PPP6R3: variants seen among roughly 807,000 people sequenced by gnomAD.
The protein encoded by PPP6R3 is serine/threonine-protein phosphatase 6 regulatory subunit 3.
PPP6R3 carries 38 observed loss-of-function variants against 110.7 expected under a neutral mutation model. The observed-to-expected ratio is 0.34, with a 90% CI of 0.26 to 0.45. The LOEUF (loss-of-function observed/expected upper bound fraction) is 0.45. PPP6R3 is among the 20% of genes least tolerant of loss of function. The pLI, the probability that PPP6R3 is intolerant of heterozygous loss-of-function variation, is 1.00. For synonymous variants in PPP6R3, 369 were observed against 373.5 expected, an observed-to-expected ratio of 0.99 and a Z score of 0.14; for missense variants, 870 against 1,062.4, an observed-to-expected ratio of 0.82 and a Z score of 2.52.
chr11:68,497,296 C>T (rs1270011233), intron 1 of PPP6R3, among the ~76,000 whole-genome samples: 6 of 151,430 alleles, frequency 4.0e-5, no homozygotes, highest in Admixed American at 6.6e-5. Flanking sequence ...CCTCGTGATC[C>T]GCCCATCTCG....
intron 14 of PPP6R3, among the ~76,000 whole-genome samples, chr11:68,582,050 A>G (rs1282793049): frequency 6.6e-6 from 1 of 152,216 alleles, no homozygotes; most frequent in Non-Finnish European, 1.5e-5. Context: ...TTATTGAACC[A>G]GTGTTGGAAC....
At chr11:68,583,299 A>G (rs1225226311) in intron 15 of PPP6R3, among the ~76,000 whole-genome samples, 170 bp downstream of exon 15, 2 of 152,206 alleles carry the variant, frequency 1.3e-5, no homozygotes, top group Non-Finnish European at 2.9e-5. Context: ...TGAAAGATAG[A>G]TTTGTATTGG....
chr11:68,610,962 T>C (rs1943120062), intron 23 of PPP6R3, among the ~76,000 whole-genome samples: 1 of 151,820 alleles, frequency 6.6e-6, no homozygotes, highest in African/African-American at 2.4e-5. Flanking sequence ...TAGCAAGCTG[T>C]TTGTGTTCCT....
intron 14 of PPP6R3, among the ~76,000 whole-genome samples, chr11:68,578,716 A>AAATG (rs2099541499): frequency 6.6e-6 from 1 of 152,302 alleles, no homozygotes; most frequent in Non-Finnish European, 1.5e-5. Context: ...CCAGGCTCCT[A>AAATG]TCACTTCTGT....
chr11:68,477,384 A>C (rs910382340), intron 1 of PPP6R3, among the ~76,000 whole-genome samples: 2 of 151,970 alleles, frequency 1.3e-5, no homozygotes, highest in African/African-American at 4.8e-5. Context: ...ATGATGGCTC[A>C]ATTTATGCTT....
At chr11:68,586,259 A>AG (rs2099578189) in intron 15 of PPP6R3, 1 of 152,150 alleles carries the variant, frequency 6.6e-6, no homozygotes, top group Non-Finnish European at 1.5e-5. Context: ...CAGATCTTTG[A>AG]GGTACTGAGC....
intron 10 of PPP6R3, among the ~76,000 whole-genome samples, chr11:68,568,239 T>C (rs1565899697): frequency 6.6e-6 from 1 of 152,252 alleles, no homozygotes; most frequent in Admixed American, 6.5e-5. Flanking sequence ...ACGTAGTTTT[T>C]GTCCTACCTT....
At chr11:68,593,157 T>G (rs1420337265) in intron 18 of PPP6R3, among the ~76,000 whole-genome samples, 2 of 152,184 alleles carry the variant, frequency 1.3e-5, no homozygotes, top group Non-Finnish European at 2.9e-5. Flanking sequence ...CCCCAAAAAG[T>G]CTTCTCATGA....
chr11:68,557,230 AGAGATCTCACAAGCAATTATTGCTG>A (rs1181953949), intron 7 of PPP6R3, among the ~76,000 whole-genome samples: 2 of 152,192 alleles, frequency 1.3e-5, no homozygotes, highest in Non-Finnish European at 2.9e-5. Flanking sequence ...TCTTTTGGTG[AGAGATCTCACAAGCAATTATTGCTG>A]GTCTGAGAGT....
chr11:68,585,028 G>C (rs905275498), intron 15 of PPP6R3, among the ~76,000 whole-genome samples: 5 of 152,194 alleles, frequency 3.3e-5, no homozygotes, highest in Non-Finnish European at 7.3e-5. Context: ...TCTCATTCAC[G>C]TTTGAGGTTG....
intron 2 of PPP6R3, 69 bp downstream of exon 2, chr11:68,519,720 TGAGAC>T: frequency 2.5e-6 from 1 of 397,418 alleles, no homozygotes; most frequent in Non-Finnish European, 4.4e-6. Flanking sequence ...GGTTCTATTG[TGAGAC>T]CCTGGAGTCT....
At chr11:68,544,286 C>G (rs1303975163) in intron 3 of PPP6R3, among the ~76,000 whole-genome samples, 1 of 152,108 alleles carries the variant, frequency 6.6e-6, no homozygotes, top group Non-Finnish European at 1.5e-5. Context: ...GTCCTGTTCC[C>G]CCCTTCATTA....
intron 18 of PPP6R3, among the ~76,000 whole-genome samples, chr11:68,595,862 G>A (rs1190088118): frequency 6.6e-6 from 1 of 152,190 alleles, no homozygotes; most frequent in Non-Finnish European, 1.5e-5. Context: ...CTTAGATTGT[G>A]GCCTCCACTT....
intron 1 of PPP6R3, among the ~76,000 whole-genome samples, chr11:68,498,798 T>C (rs140559931): frequency 1.3e-5 from 2 of 152,370 alleles, no homozygotes; most frequent in African/African-American, 4.8e-5. Context: ...TTGTATCTTT[T>C]GGTCAACAAC....
At chr11:68,515,187 G>T (rs1318673909) in intron 1 of PPP6R3, 8 of 152,352 alleles carry the variant, frequency 5.3e-5, no homozygotes, top group African/African-American at 1.7e-4. Flanking sequence ...GGAGCCAGGG[G>T]GGCTCACTCT....
intron 6 of PPP6R3, among the ~76,000 whole-genome samples, chr11:68,552,545 T>C (rs1222604443): frequency 1.3e-5 from 2 of 152,114 alleles, no homozygotes; most frequent in African/African-American, 4.8e-5. Flanking sequence ...CAGACATGGA[T>C]TGGGAATGTG....
At chr11:68,512,011 T>G (rs945166605) in intron 1 of PPP6R3, among the ~76,000 whole-genome samples, 1 of 152,158 alleles carries the variant, frequency 6.6e-6, no homozygotes, top group Non-Finnish European at 1.5e-5. Context: ...TTGCTCTCCT[T>G]AGTTTTAGTG....
intron 1 of PPP6R3, 58 bp from the exon 2 acceptor site, chr11:68,519,443 C>G (rs1592427146): frequency 2.5e-6 from 1 of 392,858 alleles, no homozygotes; most frequent in Non-Finnish European, 4.5e-6. Flanking sequence ...TTAATGGCAG[C>G]TATCATCACA....
At chr11:68,607,226 T>C (rs929842806) in intron 22 of PPP6R3, among the ~76,000 whole-genome samples, 27 of 152,140 alleles carry the variant, frequency 1.8e-4, no homozygotes, top group African/African-American at 6.5e-4. Context: ...AAAGGGAAGA[T>C]TGAAAAAGGG....
Sources: gnomAD v4.1 joint callset for allele counts (sites outside exome capture counted in the v4.1 genomes callset) on GRCh38, gnomAD v4.1.1 for gene constraint, MANE v1.5 for transcripts, NCBI Gene and HGNC (gene_info 2026-07-23, HGNC 2026-07-21) for gene names.